Variants in SGK3 observed in about 807,000 individuals in gnomAD.
SGK3 encodes serine/threonine-protein kinase Sgk3.
A neutral mutation model predicts 68.5 loss-of-function variants in SGK3; 47 were observed. That is an observed-to-expected ratio of 0.69 (90% CI 0.54 to 0.87). The LOEUF is 0.87. Among genes scored for constraint, SGK3 ranks in the 40% least tolerant of loss-of-function variants. SGK3 has a pLI of 0.00. For missense variants in SGK3, 479 were observed against 575.5 expected, an observed-to-expected ratio of 0.83 and a Z score of 1.72; for synonymous variants, 181 against 189.1, an observed-to-expected ratio of 0.96 and a Z score of 0.35.
chr8:66,736,773 C>A (rs1190360071), intron 1 of SGK3, among the ~76,000 whole-genome samples: 4 of 152,030 alleles, frequency 2.6e-5, no homozygotes, highest in Non-Finnish European at 5.9e-5. Context: ...GTGTGTGCCA[C>A]CATGCCCAGC....
chr8:66,828,896 T>C (rs1809177446), intron 7 of SGK3, among the ~76,000 whole-genome samples, 193 bp downstream of exon 7: 1 of 150,414 alleles, frequency 6.6e-6, no homozygotes, highest in Non-Finnish European at 1.5e-5. Flanking sequence ...CCTGAGGAAT[T>C]TTTAATCCAC....
intron 1 of SGK3, chr8:66,737,230 A>G (rs1268414789): frequency 1.3e-5 from 2 of 152,170 alleles, no homozygotes; most frequent in Non-Finnish European, 2.9e-5. Flanking sequence ...TTAAAGCCTA[A>G]GAAGCCGGCC....
intron 1 of SGK3, among the ~76,000 whole-genome samples, chr8:66,781,766 G>A (rs375062912): frequency 8.1e-4 from 123 of 152,152 alleles, no homozygotes; most frequent in African/African-American, 1.5e-3. Flanking sequence ...ATCAAGAATC[G>A]GATAAGTAAA....
Position 66,861,280 on chromosome 8 carries a change from C to CT in SGK3, c.*1700dup, listed in dbSNP as rs1235286548. 6.6e-6 allele frequency: 1 copy of CT among 151,838 alleles called. No homozygotes were observed. Among genetic ancestry groups the CT allele is most frequent in the Non-Finnish European group, 1.5e-5 (1 of 67,964 alleles). The allele number at this position is 151,838 out of a possible 1,614,324, so 9.4% of individuals were successfully genotyped here. A position where few individuals can be genotyped will look rare whatever the true frequency, so the allele number is the denominator to read the frequency against. On this transcript the variant is annotated 3_prime_UTR_variant, in exon 17 of 17. Transcript: ENST00000521198. ...AGGAAACAGACCTTAAAATTGTAAC[C>CT]TACCAACTAACTTACATGCTTATAA...
At chr8:66,814,035 A>C (rs889053324) in intron 5 of SGK3, 107 bp downstream of exon 5, 1 of 815,608 alleles carries the variant, frequency 1.2e-6, no homozygotes. Context: ...ACTGTGCTAT[A>C]TATGTTTGTA....
intron 1 of SGK3, among the ~76,000 whole-genome samples, chr8:66,774,791 T>C (rs1370034717): frequency 1.3e-5 from 2 of 152,114 alleles, no homozygotes; most frequent in Non-Finnish European, 2.9e-5. Flanking sequence ...TGAATCCCAT[T>C]CCTAATGACG....
At chr8:66,821,928 G>A (rs1808847734) in intron 5 of SGK3, among the ~76,000 whole-genome samples, 1 of 151,100 alleles carries the variant, frequency 6.6e-6, no homozygotes, top group Non-Finnish European at 1.5e-5. Flanking sequence ...TTGCTTTTCA[G>A]AAAAGTTGCT....
chr8:66,735,526 T>C (rs1450848762), intron 1 of SGK3, among the ~76,000 whole-genome samples: 1 of 152,206 alleles, frequency 6.6e-6, no homozygotes, highest in Non-Finnish European at 1.5e-5. Context: ...TGAGCCTATG[T>C]ATCTGTTGGG....
chr8:66,751,858 C>T (rs113826394), intron 1 of SGK3, among the ~76,000 whole-genome samples: 2,935 of 151,902 alleles, frequency 0.019, 67 homozygotes, highest in South Asian at 0.044. Context: ...CTCCGACTCC[C>T]GGGTTCAAGC....
At position 66,856,518 on chromosome 8, in the gene SGK3, A is replaced by G. The variant is rs190428786; in HGVS notation, c.1321-2893A>G. On this transcript the variant is annotated intron_variant, in intron 16 of 16. Transcript: ENST00000521198. The stretch of plus-strand genomic sequence containing the variant: ...CCCATATCTGAAAATCTGAAATTCA[A>G]AATGCTCCAGTGACTGTCATGTAGA... 4.6e-4 allele frequency among the ~76,000 whole-genome samples: 70 copies of G among 152,344 alleles called. 1 individual carries two copies. In the East Asian group the frequency reaches 0.013, roughly 27 times the overall value.
chr8:66,850,816 T>G lies in SGK3; in HGVS notation c.1231-15T>G. The G allele has an allele frequency of 6.3e-7, 1 of 1,583,346 alleles. No individual in the cohort carries two copies. The highest frequency in any genetic ancestry group is 1.2e-5 in the South Asian group (1 of 86,662). On this transcript the variant is annotated splice_polypyrimidine_tract_variant and intron_variant, in intron 15 of 16. Transcript: ENST00000521198. ...TCTTCGGCATTAGTAAAACAAATTTTTTTTAATATTCCAGCTTGAAATTCA... is the reference window on the plus strand; with the variant it reads ...TCTTCGGCATTAGTAAAACAAATTTGTTTTAATATTCCAGCTTGAAATTCA...
At chr8:66,834,594 A>T (rs1809434953) in intron 8 of SGK3, among the ~76,000 whole-genome samples, 1 of 152,182 alleles carries the variant, frequency 6.6e-6, no homozygotes, top group Non-Finnish European at 1.5e-5. Flanking sequence ...TATGTTTAAT[A>T]AAAAAATTTA....
chr8:66,753,605 A>T (rs974611307), intron 1 of SGK3, among the ~76,000 whole-genome samples: 1 of 152,164 alleles, frequency 6.6e-6, no homozygotes, highest in African/African-American at 2.4e-5. Context: ...AGGGTTGATC[A>T]CCTGAGGTCA....
rs1431196484 is a variant in SGK3, at chr8:66,754,261, T to A, written c.-121-39355T>A. 2.0e-5 allele frequency among the ~76,000 whole-genome samples: 3 copies of A among 152,178 alleles called. No homozygotes were observed. The East Asian group carries it at 5.8e-4, about 29-fold the overall frequency. Reference sequence around the variant, plus strand: ...GCTTTTCTGTTTAAATTGTGACCAATGTTGGCTTTAGATAATTTCCTGCAT... The same window carrying A: ...GCTTTTCTGTTTAAATTGTGACCAAAGTTGGCTTTAGATAATTTCCTGCAT... On this transcript the variant is annotated intron_variant, in intron 1 of 16. Transcript: ENST00000521198.
chr8:66,782,119 G>A (rs1344774114), intron 1 of SGK3, among the ~76,000 whole-genome samples: 1 of 152,198 alleles, frequency 6.6e-6, no homozygotes, highest in Non-Finnish European at 1.5e-5. Flanking sequence ...AACAGATACA[G>A]ATTATATATA....
intron 5 of SGK3, among the ~76,000 whole-genome samples, chr8:66,820,276 A>C (rs1437699911): frequency 6.6e-6 from 1 of 152,178 alleles, no homozygotes; most frequent in Non-Finnish European, 1.5e-5. Context: ...CTGTCTGTAC[A>C]GATTTGCCTA....
At chr8:66,800,365 G>A (rs1426882053) in intron 3 of SGK3, among the ~76,000 whole-genome samples, 2 of 146,798 alleles carry the variant, frequency 1.4e-5, no homozygotes, top group Admixed American at 6.8e-5. Flanking sequence ...GGCGGGGGGG[G>A]AGTTTTTTCA....
chr8:66,716,682 G>A (rs1804642769), intron 1 of SGK3, among the ~76,000 whole-genome samples: 2 of 152,052 alleles, frequency 1.3e-5, no homozygotes, highest in Non-Finnish European at 2.9e-5. Context: ...ATGTTAGTGA[G>A]GTCTTGTGGC....
Position 66,796,321 on chromosome 8 carries a change from A to ATTTTTTTTTTTTTTTTTTTTTTT in SGK3, c.97-2212_97-2190dup, listed in dbSNP as rs71249408. ...CCAGCTAATTTTTTGTATTTTTTGTATTTTTTTTTTTTTTTTTTTTTTTTT... is the reference window on the plus strand; with the variant it reads ...CCAGCTAATTTTTTGTATTTTTTGTATTTTTTTTTTTTTTTTTTTTTTTTTTTTTTTTTTTTTTTTTTTTTTTT... On this transcript the variant is annotated intron_variant, in intron 2 of 16. Transcript: ENST00000521198. Among the ~76,000 whole-genome samples, 16 of 41,360 alleles carry ATTTTTTTTTTTTTTTTTTTTTTT rather than the reference A, an allele frequency of 3.9e-4. 4 individuals carry two copies. The highest frequency in any genetic ancestry group is 5.7e-4 in the Non-Finnish European group (13 of 22,676). The allele number at this position is 41,360 out of a possible 152,430, so 27.1% of individuals were successfully genotyped here. A position where few individuals can be genotyped will look rare whatever the true frequency, so the allele number is the denominator to read the frequency against.
Sources: allele counts gnomAD v4.1 joint callset (sites outside exome capture counted in the v4.1 genomes callset), GRCh38; gene constraint gnomAD v4.1.1; transcripts MANE v1.5; gene names NCBI Gene and HGNC (gene_info 2026-07-23, HGNC 2026-07-21).